The following EEFSEC variants were observed in gnomAD, a reference collection of about 807,000 sequenced individuals.
EEFSEC encodes the protein selenocysteine-specific elongation factor.
A neutral mutation model predicts 42.1 loss-of-function variants in EEFSEC; 43 were observed. That is an observed-to-expected ratio of 1.02 (90% CI 0.80 to 1.32). The LOEUF (loss-of-function observed/expected upper bound fraction) is 1.32. Among genes scored for constraint, EEFSEC ranks in the 40% most tolerant of loss-of-function variants. The pLI, the probability that EEFSEC is intolerant of heterozygous loss-of-function variation, is 0.00. For missense variants in EEFSEC, 745 were observed against 803.6 expected (o/e 0.93, Z 0.88); for synonymous variants, 354 against 339.1 (o/e 1.04, Z -0.48).
At chr3:128,254,600 C>G (rs1396358448) in intron 2 of EEFSEC, among the ~76,000 whole-genome samples, 4 of 152,098 alleles carry the variant, frequency 2.6e-5, no homozygotes, top group Admixed American at 2.6e-4. Flanking sequence ...TGAGGTTTGC[C>G]TAGGAGAGGA....
intron 1 of EEFSEC, among the ~76,000 whole-genome samples, chr3:128,211,800 GCCA>G (rs1006841820): frequency 3.4e-5 from 5 of 148,194 alleles, no homozygotes; most frequent in African/African-American, 1.2e-4. Context: ...ACAGGCGTGA[GCCA>G]CCACACCTGG....
chr3:128,406,647 C>T (rs2068117231), intron 6 of EEFSEC, among the ~76,000 whole-genome samples: 1 of 151,720 alleles, frequency 6.6e-6, no homozygotes, highest in South Asian at 2.1e-4. Flanking sequence ...CCCATCTCCA[C>T]AAAAAAATGC....
chr3:128,251,332 T>C (rs2066184504), intron 2 of EEFSEC, among the ~76,000 whole-genome samples: 1 of 152,220 alleles, frequency 6.6e-6, no homozygotes. Context: ...ATGATAGATT[T>C]GCAGGTATGA....
chr3:128,311,731 A>G (rs868052715), intron 4 of EEFSEC, among the ~76,000 whole-genome samples: 1 of 152,216 alleles, frequency 6.6e-6, no homozygotes, highest in Non-Finnish European at 1.5e-5. Context: ...TACATTGATT[A>G]TTCATGTGCT....
At chr3:128,211,661 G>T (rs888419431) in intron 1 of EEFSEC, among the ~76,000 whole-genome samples, 9 of 151,494 alleles carry the variant, frequency 5.9e-5, no homozygotes, top group Non-Finnish European at 1.0e-4. Flanking sequence ...GACTACAGGT[G>T]CATGCCACTG....
downstream of EEFSEC, among the ~76,000 whole-genome samples, chr3:128,411,330 C>G (rs551705631): frequency 6.6e-5 from 10 of 152,342 alleles, no homozygotes; most frequent in East Asian, 1.9e-3. Context: ...GGTAAACTCA[C>G]CGAATCTGCT....
In EEFSEC at chr3:128,341,460, A is replaced by G; in HGVS notation, c.1014A>G (p.Thr338=). ...AAACCAAGGCCAAGTTCCACATTAC[A>G]GTGGGCCATGAAACAGTCATGGGCC... ...PLQTKAKFHI[T]VGHETVMGRL... is the part of the protein sequence containing the mutation. The change falls in exon 5 of 7, where the codon ACA becomes ACG. Residue 338 remains threonine, a synonymous_variant. Coordinates refer to ENST00000254730, the MANE Select transcript of EEFSEC (RefSeq NM_021937.5). The G allele has an allele frequency of 1.2e-6, 2 of 1,614,208 alleles. No individual in the cohort carries two copies. Among genetic ancestry groups the G allele is most frequent in the Non-Finnish European group, 1.7e-6 (2 of 1,180,044 alleles).
intron 2 of EEFSEC, among the ~76,000 whole-genome samples, chr3:128,256,549 G>C (rs2066243676): frequency 6.6e-6 from 1 of 152,188 alleles, no homozygotes; most frequent in African/African-American, 2.4e-5. Context: ...GGGCCAGGCT[G>C]GTCTGGGGCT....
chr3:128,399,919 G>A (rs1321124607), intron 6 of EEFSEC, among the ~76,000 whole-genome samples: 3 of 152,152 alleles, frequency 2.0e-5, no homozygotes, highest in African/African-American at 7.2e-5. Context: ...AGACTCAGCT[G>A]CACCACAACT....
chr3:128,212,475 C>A (rs1208416354), intron 1 of EEFSEC, among the ~76,000 whole-genome samples: 1 of 152,206 alleles, frequency 6.6e-6, no homozygotes, highest in Non-Finnish European at 1.5e-5. Flanking sequence ...CAGAGCCCTG[C>A]TTTTGATCTT....
At chr3:128,392,859 G>A (rs1203382531) in intron 6 of EEFSEC, among the ~76,000 whole-genome samples, 5 of 152,214 alleles carry the variant, frequency 3.3e-5, no homozygotes, top group African/African-American at 9.6e-5. Context: ...GCTGGTGTGG[G>A]GCACCATGAG....
chr3:128,347,967 T>C (rs2067332804), intron 5 of EEFSEC, among the ~76,000 whole-genome samples: 1 of 152,212 alleles, frequency 6.6e-6, no homozygotes, highest in East Asian at 1.9e-4. Context: ...GTATACATTT[T>C]TTTTCCTATG....
At chr3:128,318,825 C>A (rs1317280099) in intron 4 of EEFSEC, among the ~76,000 whole-genome samples, 1 of 151,932 alleles carries the variant, frequency 6.6e-6, no homozygotes, top group African/African-American at 2.4e-5. Context: ...GCGGTTGATG[C>A]CTGGCTTCGC....
chr3:128,357,800 CA>C (rs1326870784), intron 5 of EEFSEC, among the ~76,000 whole-genome samples: 2 of 143,462 alleles, frequency 1.4e-5, no homozygotes, highest in African/African-American at 2.8e-5. Context: ...TGTGGCCCCC[CA>C]GGGGTGGGGG....
intron 1 of EEFSEC, among the ~76,000 whole-genome samples, chr3:128,226,886 A>G (rs1445481183): frequency 2.6e-5 from 4 of 152,164 alleles, no homozygotes; most frequent in Non-Finnish European, 5.9e-5. Flanking sequence ...TTTTGCAGGT[A>G]CAGTATCAGG....
chr3:128,347,768 A>G (rs2067330495), intron 5 of EEFSEC, among the ~76,000 whole-genome samples: 1 of 152,200 alleles, frequency 6.6e-6, no homozygotes, highest in East Asian at 1.9e-4. Context: ...ACTTGTACAT[A>G]CCAAACATAA....
chr3:128,400,774 G>A (rs2068039772), intron 6 of EEFSEC, among the ~76,000 whole-genome samples: 1 of 152,254 alleles, frequency 6.6e-6, no homozygotes, highest in South Asian at 2.1e-4. Context: ...TGTCAGGGCG[G>A]CACCATGGCT....
chr3:128,244,973 C>T (rs1392931117), intron 1 of EEFSEC, among the ~76,000 whole-genome samples: 1 of 152,178 alleles, frequency 6.6e-6, no homozygotes, highest in Non-Finnish European at 1.5e-5. Flanking sequence ...TTCAACCTGT[C>T]CCCTGCTGAT....
chr3:128,409,047 G>C (rs2068155592), downstream of EEFSEC, among the ~76,000 whole-genome samples: 1 of 152,182 alleles, frequency 6.6e-6, no homozygotes, highest in Non-Finnish European at 1.5e-5. Flanking sequence ...AGGCTAGCAT[G>C]GTGAGGGCAC....
Sources: gnomAD v4.1 joint callset for allele counts (sites outside exome capture counted in the v4.1 genomes callset) on GRCh38, gnomAD v4.1.1 for gene constraint, MANE v1.5 for transcripts, NCBI Gene and HGNC (gene_info 2026-07-23, HGNC 2026-07-21) for gene names.